The following CACNA2D1 variants were observed in gnomAD, a reference collection of about 807,000 sequenced individuals.
The protein encoded by CACNA2D1 is voltage-dependent calcium channel subunit alpha-2/delta-1.
Under a neutral mutation model 171.5 loss-of-function variants are expected in CACNA2D1, and 53 were observed. The observed-to-expected ratio is 0.31, with a 90% CI of 0.25 to 0.39. The LOEUF (loss-of-function observed/expected upper bound fraction) is 0.39, where lower values mean the gene tolerates loss of function less well. CACNA2D1 is among the 10% of genes least tolerant of loss of function. The pLI, the probability that CACNA2D1 is intolerant of heterozygous loss-of-function variation, is 1.00. For synonymous variants in CACNA2D1, 442 were observed against 443.1 expected (o/e 1.00, Z 0.03); for missense variants, 903 against 1,299.8 (o/e 0.69, Z 4.69).
At chr7:82,302,690 T>C (rs1813183334) in intron 3 of CACNA2D1, among the ~76,000 whole-genome samples, 1 of 152,194 alleles carries the variant, frequency 6.6e-6, no homozygotes, top group African/African-American at 2.4e-5. Context: ...GCGCTGGAAA[T>C]ACAGGCGTGA....
At chr7:82,148,419 G>C (rs1175442302) in intron 4 of CACNA2D1, among the ~76,000 whole-genome samples, 1 of 152,052 alleles carries the variant, frequency 6.6e-6, no homozygotes, top group Non-Finnish European at 1.5e-5. Flanking sequence ...AGCTGAAGGA[G>C]AGAGCTAAAA....
intron 18 of CACNA2D1, among the ~76,000 whole-genome samples, chr7:82,002,367 T>G (rs1798702044): frequency 6.6e-6 from 1 of 152,158 alleles, no homozygotes; most frequent in Admixed American, 6.6e-5. Context: ...CTTCCCAGTC[T>G]TCAGAACTGT....
chr7:81,997,503 C>G (rs890250529), intron 18 of CACNA2D1, among the ~76,000 whole-genome samples: 55 of 151,348 alleles, frequency 3.6e-4, no homozygotes, highest in African/African-American at 1.3e-3. Flanking sequence ...GTATTTGATA[C>G]TGCATTTATA....
intron 7 of CACNA2D1, among the ~76,000 whole-genome samples, chr7:82,077,939 A>C (rs1303965068): frequency 6.6e-6 from 1 of 152,126 alleles, no homozygotes; most frequent in Admixed American, 6.6e-5. Flanking sequence ...ATCATCTGCT[A>C]TTTGATGCTT....
intron 3 of CACNA2D1, among the ~76,000 whole-genome samples, chr7:82,317,821 C>T (rs1388542354): frequency 6.6e-6 from 1 of 151,970 alleles, no homozygotes; most frequent in Admixed American, 6.6e-5. Flanking sequence ...AATTATAAAG[C>T]TCCAATAAAC....
chr7:81,960,466 T>G (rs1303258157), intron 36 of CACNA2D1, among the ~76,000 whole-genome samples: 1 of 152,202 alleles, frequency 6.6e-6, no homozygotes, highest in Non-Finnish European at 1.5e-5. Flanking sequence ...AACACAGACA[T>G]GGACAGAATC....
intron 1 of CACNA2D1, among the ~76,000 whole-genome samples, chr7:82,413,222 T>C (rs563701189): frequency 6.6e-6 from 1 of 152,236 alleles, no homozygotes; most frequent in Non-Finnish European, 1.5e-5. Context: ...GAACAATTTT[T>C]ATATCTGTGC....
intron 2 of CACNA2D1, among the ~76,000 whole-genome samples, chr7:82,345,079 C>A (rs1191538634): frequency 6.6e-6 from 1 of 151,964 alleles, no homozygotes; most frequent in East Asian, 1.9e-4. Context: ...TTGAGTATCT[C>A]CCTCTGTAAA....
chr7:82,196,838 A>T (rs957178638), intron 3 of CACNA2D1, among the ~76,000 whole-genome samples: 1 of 151,812 alleles, frequency 6.6e-6, no homozygotes, highest in East Asian at 1.9e-4. Context: ...TATATATGTG[A>T]ATAGAGGATG....
At chr7:82,179,369 A>G (rs1258257182) in intron 3 of CACNA2D1, among the ~76,000 whole-genome samples, 3 of 152,158 alleles carry the variant, frequency 2.0e-5, no homozygotes, top group Non-Finnish European at 4.4e-5. Context: ...CATTCCTAAT[A>G]CTATAGTCCT....
intron 38 of CACNA2D1, among the ~76,000 whole-genome samples, chr7:81,955,986 T>A (rs1387611117): frequency 6.0e-3 from 394 of 65,246 alleles, no homozygotes; most frequent in African/African-American, 0.022. Flanking sequence ...ATATATTTTT[T>A]TTTTTTTTTT....
Position 81,955,909 on chromosome 7 carries a change from G to GTT in CACNA2D1, c.3159+3365_3159+3366insAA, listed in dbSNP as rs200626944. Among the ~76,000 whole-genome samples the GTT allele has an allele frequency of 9.4e-5, 3 of 31,848 alleles. 1 individual carries two copies. Among genetic ancestry groups the GTT allele is most frequent in the East Asian group, 2.4e-3 (2 of 848 alleles). The allele number at this position is 31,848 out of a possible 152,430, so 20.9% of individuals were successfully genotyped here. ...AATAGGAAAATGTTATTTTGGTGGG[G>GTT]GGGGGGGGGGGTGGTGGTCTTAGGT... is the stretch of plus-strand genomic sequence containing the variant. On this transcript the variant is annotated intron_variant, in intron 38 of 38. Coordinates refer to ENST00000356860, the MANE Select transcript of CACNA2D1 (RefSeq NM_000722.4).
chr7:82,335,664 G>A (rs1429287337), intron 2 of CACNA2D1, among the ~76,000 whole-genome samples: 1 of 152,062 alleles, frequency 6.6e-6, no homozygotes, highest in Non-Finnish European at 1.5e-5. Flanking sequence ...GCAGGAGGAA[G>A]GGTTATGTGC....
intron 3 of CACNA2D1, among the ~76,000 whole-genome samples, chr7:82,231,804 A>G (rs1802963866): frequency 6.7e-6 from 1 of 149,612 alleles, no homozygotes; most frequent in Non-Finnish European, 1.5e-5. Context: ...TAATTCTTGT[A>G]AAGTCTTTGT....
At chr7:81,954,444 T>G (rs1792977330) in intron 38 of CACNA2D1, among the ~76,000 whole-genome samples, 1 of 152,084 alleles carries the variant, frequency 6.6e-6, no homozygotes. Context: ...TTAAAAAATC[T>G]AAACCATAGT....
intron 10 of CACNA2D1, among the ~76,000 whole-genome samples, chr7:82,054,102 G>T (rs915136832): frequency 4.6e-5 from 7 of 152,128 alleles, no homozygotes; most frequent in Non-Finnish European, 8.8e-5. Flanking sequence ...AAAACTGGCA[G>T]GCTTTAAGAA....
At chr7:81,995,700 G>A (rs1454958902) in intron 19 of CACNA2D1, among the ~76,000 whole-genome samples, 1 of 151,562 alleles carries the variant, frequency 6.6e-6, no homozygotes, top group African/African-American at 2.4e-5. Flanking sequence ...TTGGGAAGCT[G>A]AGGCAGGAGA....
chr7:81,992,736 A>AT (rs1229393005), intron 20 of CACNA2D1, among the ~76,000 whole-genome samples: 1 of 152,168 alleles, frequency 6.6e-6, no homozygotes, highest in Non-Finnish European at 1.5e-5. Flanking sequence ...ATTATTACTA[A>AT]TTTTTTAGTC....
At chr7:82,157,411 A>G (rs1794479327) in intron 4 of CACNA2D1, among the ~76,000 whole-genome samples, 1 of 152,080 alleles carries the variant, frequency 6.6e-6, no homozygotes, top group Non-Finnish European at 1.5e-5. Context: ...TTTTTCCACC[A>G]TATCCATGTA....
Sources: allele counts gnomAD v4.1 joint callset (sites outside exome capture counted in the v4.1 genomes callset), GRCh38; gene constraint gnomAD v4.1.1; transcripts MANE v1.5; gene names NCBI Gene and HGNC (gene_info 2026-07-23, HGNC 2026-07-21).